Variants in DPH6 observed in about 807,000 individuals in gnomAD.
DPH6 encodes the protein diphthamine biosynthesis 6, also known as diphthine--ammonia ligase.
DPH6 carries 33 observed loss-of-function variants against 38.2 expected under a neutral mutation model. The observed-to-expected ratio is 0.86, with a 90% CI of 0.65 to 1.15. The LOEUF (loss-of-function observed/expected upper bound fraction) is 1.15, where lower values mean the gene tolerates loss of function less well. Among genes scored for constraint, DPH6 ranks in the 50% most tolerant of loss-of-function variants. The pLI, the probability that DPH6 is intolerant of heterozygous loss-of-function variation, is 0.00. For missense variants in DPH6, 325 were observed against 320.0 expected (o/e 1.02, Z -0.12); for synonymous variants, 108 against 103.0 (o/e 1.05, Z -0.30).
At chr15:35,466,027 A>G (rs2141115388) in intron 3 of DPH6, among the ~76,000 whole-genome samples, 1 of 152,204 alleles carries the variant, frequency 6.6e-6, no homozygotes, top group African/African-American at 2.4e-5. Context: ...TTTCTGAAGC[A>G]ATCTTTTTGC....
At chr15:35,505,088 C>T (rs1033665512) in intron 3 of DPH6, among the ~76,000 whole-genome samples, 2 of 152,184 alleles carry the variant, frequency 1.3e-5, no homozygotes, top group East Asian at 3.9e-4. Flanking sequence ...TAGCCATTTA[C>T]CAAATGGTTT....
intron 6 of DPH6, among the ~76,000 whole-genome samples, chr15:35,404,616 C>CTA (rs2053266096): frequency 6.6e-6 from 1 of 152,090 alleles, no homozygotes; most frequent in Non-Finnish European, 1.5e-5. Context: ...CTTCTATATT[C>CTA]TAGCTATAAA....
chr15:35,346,874 G>T (rs1283344259), intron 3 of DPH6, among the ~76,000 whole-genome samples: 1 of 151,842 alleles, frequency 6.6e-6, no homozygotes, highest in African/African-American at 2.4e-5. Flanking sequence ...CATATATTTA[G>T]ATATTTATTG....
At chr15:35,210,245 C>A in the DPH6 span, among the ~76,000 whole-genome samples, 1 of 152,092 alleles carries the variant, frequency 6.6e-6, no homozygotes, top group South Asian at 2.1e-4. Context: ...AGCTATTACC[C>A]GAGTTCTTAC....
At chr15:35,155,357 T>C in the DPH6 span, among the ~76,000 whole-genome samples, 1 of 152,232 alleles carries the variant, frequency 6.6e-6, no homozygotes, top group African/African-American at 2.4e-5. Context: ...CTCATTTGAT[T>C]CTCATAACAA....
intron 6 of DPH6, among the ~76,000 whole-genome samples, chr15:35,405,880 C>T (rs922770028): frequency 6.6e-6 from 1 of 151,754 alleles, no homozygotes; most frequent in Non-Finnish European, 1.5e-5. Context: ...TTTCTATACC[C>T]AGTTTTTTGA....
rs151029819 is a variant in DPH6 at position 35,492,650 on chromosome 15, C to A, written c.313-37830G>T. 3.1e-3 allele frequency among the ~76,000 whole-genome samples: 475 copies of A among 152,220 alleles called. 4 individuals carry two copies. The East Asian group carries it at 0.035, about 11-fold the overall frequency. ...CTGTTAAATAAATGCATGCTCTCTG[C>A]CAGGTATTTAACATGTTTACCTTAT... On this transcript the variant is annotated intron_variant, in intron 3 of 8. Coordinates refer to ENST00000256538, the MANE Select transcript of DPH6 (RefSeq NM_080650.4).
At chr15:35,337,640 C>G (rs2052384166) in intron 3 of DPH6, among the ~76,000 whole-genome samples, 1 of 152,158 alleles carries the variant, frequency 6.6e-6, no homozygotes, top group South Asian at 2.1e-4. Context: ...CCATCCCCAT[C>G]AAGCTACCAA....
intron 6 of DPH6, among the ~76,000 whole-genome samples, chr15:35,408,589 A>C (rs945255248): frequency 6.6e-6 from 1 of 152,042 alleles, no homozygotes; most frequent in Non-Finnish European, 1.5e-5. Flanking sequence ...GAAAGTTTCT[A>C]GACGGAAAAT....
At chr15:35,274,796 A>C (rs59095097) in intron 3 of DPH6, among the ~76,000 whole-genome samples, 4,641 of 152,254 alleles carry the variant, frequency 0.03, 206 homozygotes, top group African/African-American at 0.1. Flanking sequence ...TGTTGGTGGG[A>C]GTGTAAATTA....
At chr15:35,452,164 CCACT>C (rs34131135) in intron 4 of DPH6, among the ~76,000 whole-genome samples, 128,590 of 151,728 alleles carry the variant, frequency 0.85, 54,781 homozygotes, top group South Asian at 0.92. Context: ...CTCCATCCTA[CCACT>C]CACTGCTGCC....
intron 5 of DPH6, among the ~76,000 whole-genome samples, chr15:35,446,280 G>C (rs888944307): frequency 6.9e-6 from 1 of 145,942 alleles, no homozygotes; most frequent in Non-Finnish European, 1.5e-5. Flanking sequence ...ACCCAGGTTG[G>C]AGTGCAGAGG....
chr15:35,196,788 T>C, the DPH6 span, among the ~76,000 whole-genome samples: 1 of 152,210 alleles, frequency 6.6e-6, no homozygotes, highest in Non-Finnish European at 1.5e-5. Context: ...GAATGGACTT[T>C]AATTTATAAC....
the DPH6 span, among the ~76,000 whole-genome samples, chr15:35,198,844 T>A: frequency 6.6e-6 from 1 of 152,188 alleles, no homozygotes. Context: ...AAAGTATAAA[T>A]GCATTCCTAT....
intron 3 of DPH6, among the ~76,000 whole-genome samples, chr15:35,321,139 T>G (rs550973361): frequency 6.6e-6 from 1 of 152,352 alleles, no homozygotes; most frequent in South Asian, 2.1e-4. Flanking sequence ...TTCAGTTTCC[T>G]TCCTAATCTT....
intron 6 of DPH6, among the ~76,000 whole-genome samples, chr15:35,386,360 C>T (rs890293230): frequency 6.6e-6 from 1 of 152,130 alleles, no homozygotes; most frequent in African/African-American, 2.4e-5. Flanking sequence ...TGGGTATATA[C>T]CCAGTAATGG....
At chr15:35,453,820 T>A (rs111321295) in intron 4 of DPH6, among the ~76,000 whole-genome samples, 3,555 of 152,012 alleles carry the variant, frequency 0.023, 131 homozygotes, top group African/African-American at 0.082. Context: ...AGTGTTCAAA[T>A]CTATTAATAT....
At chr15:35,176,807 T>C in the DPH6 span, among the ~76,000 whole-genome samples, 24 of 152,216 alleles carry the variant, frequency 1.6e-4, no homozygotes, top group Non-Finnish European at 7.3e-5. Context: ...TCATTTGGAT[T>C]ATTTAATAGT....
the DPH6 span, among the ~76,000 whole-genome samples, chr15:35,151,688 C>G: frequency 1.6e-4 from 25 of 152,316 alleles, no homozygotes; most frequent in South Asian, 5.2e-3. Context: ...TGGTGCCTGC[C>G]TTGTGCCCTG....
Sources: allele counts gnomAD v4.1 joint callset (sites outside exome capture counted in the v4.1 genomes callset), GRCh38; gene constraint gnomAD v4.1.1; transcripts MANE v1.5; gene names NCBI Gene and HGNC (gene_info 2026-07-23, HGNC 2026-07-21).